PCED1B: variants seen among roughly 807,000 people sequenced by gnomAD.
The protein encoded by PCED1B is PC-esterase domain containing 1B.
For synonymous variants in PCED1B, 251 were observed against 246.1 expected, an observed-to-expected ratio of 1.02 and a Z score of -0.19; for missense variants, 573 against 573.9, an observed-to-expected ratio of 1.00 and a Z score of 0.02.
intron 2 of PCED1B, among the ~76,000 whole-genome samples, chr12:47,150,230 AC>A (rs1362142031): frequency 1.3e-5 from 2 of 152,106 alleles, no homozygotes; most frequent in Admixed American, 1.3e-4. Context: ...AGGGAGTATG[AC>A]AGTAAATAAA....
rs1943974816 is a variant in PCED1B, at chr12:47,236,078, G to C, written c.1015G>C (p.Asp339His). 1 of 1,614,074 alleles carries C rather than the reference G, an allele frequency of 6.2e-7. No individual in the cohort carries two copies. The highest frequency in any genetic ancestry group is 8.5e-7 in the Non-Finnish European group (1 of 1,180,012). Residue 339 changes from aspartate to histidine, a missense_variant, in exon 4 of 4, where the codon GAT (aspartate) becomes CAT (histidine). Transcript: ENST00000546455. ...GMPRFPQGPP[D>H]ACFSSDHTFQ... ...GCCCCGGTTCCCACAGGGTCCCCCAGATGCCTGTTTTTCCTCAGACCATAC... is the reference window on the plus strand; with the variant it reads ...GCCCCGGTTCCCACAGGGTCCCCCACATGCCTGTTTTTCCTCAGACCATAC...
chr12:47,210,916 C>T (rs1202685448), intron 2 of PCED1B, among the ~76,000 whole-genome samples: 1 of 152,020 alleles, frequency 6.6e-6, no homozygotes, highest in Admixed American at 6.6e-5. Flanking sequence ...ACTTAAAAGC[C>T]TACTATTTTA....
intron 2 of PCED1B, among the ~76,000 whole-genome samples, chr12:47,105,100 C>T (rs1027257984): frequency 6.6e-6 from 1 of 152,192 alleles, no homozygotes. Flanking sequence ...ATTTCTTTTG[C>T]CGCTTCAGGC....
rs190335119 is a variant in PCED1B, at chr12:47,107,995, A to G, written c.-526+3800A>G. Among the ~76,000 whole-genome samples the G allele has an allele frequency of 2.6e-5, 4 of 152,296 alleles. No homozygotes were observed. The East Asian group carries it at 7.7e-4, about 29-fold the overall frequency. On this transcript the variant is annotated intron_variant, in intron 2 of 3. Coordinates refer to ENST00000546455, the MANE Select transcript of PCED1B (RefSeq NM_138371.3). Reference sequence around the variant, plus strand: ...AGGATGTAAATAATTATTATTTTGTAGGATTGTTGGAGTACAAAATGACAG... The same window carrying G: ...AGGATGTAAATAATTATTATTTTGTGGGATTGTTGGAGTACAAAATGACAG...
intron 3 of PCED1B, among the ~76,000 whole-genome samples, chr12:47,223,197 A>G (rs977518050): frequency 2.6e-5 from 4 of 152,180 alleles, no homozygotes; most frequent in African/African-American, 9.7e-5. Flanking sequence ...AAGACAGGAT[A>G]CAAGGGTGTC....
chr12:47,088,135 T>C (rs928783908), intron 1 of PCED1B, among the ~76,000 whole-genome samples: 8 of 152,258 alleles, frequency 5.3e-5, no homozygotes. Context: ...ATGTAAAAAG[T>C]GCTTTGGTGA....
intron 2 of PCED1B, among the ~76,000 whole-genome samples, chr12:47,113,490 T>C (rs986986284): frequency 2.0e-5 from 3 of 152,220 alleles, no homozygotes; most frequent in African/African-American, 4.8e-5. Context: ...TGCTTTATAC[T>C]GCATTGTTCC....
At position 47,088,818 on chromosome 12, in the gene PCED1B, C is replaced by T. The variant is rs73284491; in HGVS notation, c.-609+9093C>T. On this transcript the variant is annotated intron_variant, in intron 1 of 3. Transcript: ENST00000546455. ...ATGATAGAAAACATGCTTAACATGA[C>T]GATTGTTCATATTTATCTCAAAGTA... 3.7e-3 allele frequency among the ~76,000 whole-genome samples: 559 copies of T among 152,256 alleles called. 3 individuals carry two copies. The highest frequency in any genetic ancestry group is 0.013 in the African/African-American group (533 of 41,550).
At chr12:47,123,878 A>G (rs965514723) in intron 2 of PCED1B, among the ~76,000 whole-genome samples, 4 of 152,054 alleles carry the variant, frequency 2.6e-5, no homozygotes, top group Non-Finnish European at 2.9e-5. Context: ...CTCTGAAAAC[A>G]CTTTAGTGGC....
intron 2 of PCED1B, among the ~76,000 whole-genome samples, chr12:47,202,612 A>G (rs959174084): frequency 1.1e-4 from 16 of 150,926 alleles, no homozygotes; most frequent in South Asian, 2.1e-4. Context: ...AAAAAAAAAA[A>G]AAAAAAAGAA....
rs375543990 is a variant in PCED1B, at chr12:47,235,813, C to A, written c.750C>A (p.Asp250Glu). The A allele has an allele frequency of 7.3e-5, 115 of 1,576,268 alleles. No homozygotes were observed. The highest frequency in any genetic ancestry group is 9.6e-5 in the Non-Finnish European group (112 of 1,161,170). The stretch of plus-strand genomic sequence containing the variant: ...AGCTGCTGCTGGCCCACGTGGCCGA[C>A]GCCTGGGGTGTGGAGCTGCCCCACC... ...LSQLLLAHVA[D>E]AWGVELPHRH... The change falls in exon 4 of 4, where the codon GAC (aspartate) becomes GAA (glutamate). Residue 250 changes from aspartate to glutamate, a missense_variant. By Grantham distance (45) the Asp-to-Glu change is conservative. Coordinates refer to ENST00000546455, the MANE Select transcript of PCED1B (RefSeq NM_138371.3).
intron 2 of PCED1B, among the ~76,000 whole-genome samples, chr12:47,105,535 T>C (rs1300031504): frequency 6.6e-6 from 1 of 152,096 alleles, no homozygotes; most frequent in African/African-American, 2.4e-5. Flanking sequence ...GAAAATTACT[T>C]AGCGGACTAG....
chr12:47,233,571 G>T (rs1341353948), intron 3 of PCED1B, among the ~76,000 whole-genome samples: 2 of 152,214 alleles, frequency 1.3e-5, no homozygotes, highest in Non-Finnish European at 2.9e-5. Context: ...AAGGGCTATT[G>T]TAGTAAGGTC....
At chr12:47,100,734 G>A (rs1938665798) in intron 1 of PCED1B, among the ~76,000 whole-genome samples, 1 of 152,162 alleles carries the variant, frequency 6.6e-6, no homozygotes, top group South Asian at 2.1e-4. Flanking sequence ...GTGGTAATAA[G>A]TCTATGTCTT....
At chr12:47,112,006 C>A (rs1204069370) in intron 2 of PCED1B, among the ~76,000 whole-genome samples, 4 of 152,138 alleles carry the variant, frequency 2.6e-5, no homozygotes, top group African/African-American at 9.7e-5. Context: ...CATAAGATGG[C>A]CAGAGAAAAG....
At chr12:47,140,229 C>G (rs1940543555) in intron 2 of PCED1B, among the ~76,000 whole-genome samples, 1 of 152,134 alleles carries the variant, frequency 6.6e-6, no homozygotes, top group Admixed American at 6.5e-5. Context: ...TTTGCTTTTG[C>G]TACATCATCC....
intron 2 of PCED1B, among the ~76,000 whole-genome samples, chr12:47,158,292 C>T (rs890941015): frequency 2.6e-5 from 4 of 152,186 alleles, no homozygotes; most frequent in African/African-American, 9.7e-5. Flanking sequence ...CATATCCTTG[C>T]TTAACATTTG....
At chr12:47,164,080 A>C (rs1275987977) in intron 2 of PCED1B, among the ~76,000 whole-genome samples, 4 of 152,174 alleles carry the variant, frequency 2.6e-5, no homozygotes, top group African/African-American at 9.7e-5. Context: ...CTACAATGCC[A>C]AACTGGGGAT....
chr12:47,200,022 C>T (rs1942716976), intron 2 of PCED1B, among the ~76,000 whole-genome samples: 1 of 151,354 alleles, frequency 6.6e-6, no homozygotes, highest in Admixed American at 6.6e-5. Context: ...GGTGAAACCA[C>T]ATCACTACAA....
Sources: allele counts gnomAD v4.1 joint callset (sites outside exome capture counted in the v4.1 genomes callset), GRCh38; gene constraint gnomAD v4.1.1; transcripts MANE v1.5; gene names NCBI Gene and HGNC (gene_info 2026-07-23, HGNC 2026-07-21).